The following UBE3D variants were observed in gnomAD, a reference collection of about 807,000 sequenced individuals.
UBE3D encodes E3 ubiquitin-protein ligase E3D.
UBE3D carries 48 observed loss-of-function variants against 49.6 expected under a neutral mutation model. The ratio of observed to expected loss-of-function variants is 0.97; its 90% CI spans 0.77 to 1.23. UBE3D has a LOEUF of 1.23. UBE3D is among the 50% of genes most tolerant of loss of function. The pLI is 0.00. For missense variants in UBE3D, 452 were observed against 468.4 expected, an observed-to-expected ratio of 0.96 and a Z score of 0.32; for synonymous variants, 189 against 174.2, an observed-to-expected ratio of 1.08 and a Z score of -0.67.
intron 8 of UBE3D, among the ~76,000 whole-genome samples, chr6:82,970,196 A>G (rs1777246007): frequency 5.3e-5 from 8 of 150,322 alleles, no homozygotes. Flanking sequence ...AGTTCAAAAA[A>G]CCACTCATCT....
At chr6:83,010,208 A>G (rs1780245614) in intron 8 of UBE3D, among the ~76,000 whole-genome samples, 1 of 152,172 alleles carries the variant, frequency 6.6e-6, no homozygotes, top group Non-Finnish European at 1.5e-5. Flanking sequence ...AATCACGAAT[A>G]ATCATTTTGA....
chr6:83,054,092 A>G, intron 3 of UBE3D, 56 bp downstream of exon 3: 2 of 1,453,404 alleles, frequency 1.4e-6, no homozygotes, highest in Non-Finnish European at 1.9e-6. Context: ...TTCTGATAGA[A>G]AAAGAGATAA....
At chr6:82,980,371 T>C (rs1320969408) in intron 8 of UBE3D, among the ~76,000 whole-genome samples, 1 of 152,014 alleles carries the variant, frequency 6.6e-6, no homozygotes, top group Non-Finnish European at 1.5e-5. Flanking sequence ...TTGTTGAACA[T>C]TGGTATGTCT....
intron 4 of UBE3D, among the ~76,000 whole-genome samples, chr6:83,039,012 C>T (rs76212149): frequency 3.6e-4 from 55 of 152,268 alleles, no homozygotes; most frequent in Non-Finnish European, 6.6e-4. Context: ...CACTTAGGAT[C>T]GGCACTGTAA....
chr6:83,063,788 T>C (rs1784327738), intron 1 of UBE3D, among the ~76,000 whole-genome samples: 1 of 152,196 alleles, frequency 6.6e-6, no homozygotes. Flanking sequence ...TGGTTGAACG[T>C]GCAAACTGGT....
At chr6:83,064,989 T>G (rs2127868385) in intron 1 of UBE3D, among the ~76,000 whole-genome samples, 1 of 152,354 alleles carries the variant, frequency 6.6e-6, no homozygotes, top group South Asian at 2.1e-4. Flanking sequence ...TCATTAAAAC[T>G]GCTGTCAAAC....
chr6:82,911,219 A>AAAAC (rs1554183181), intron 9 of UBE3D, among the ~76,000 whole-genome samples: 5 of 149,670 alleles, frequency 3.3e-5, no homozygotes, highest in African/African-American at 1.3e-4. Context: ...AAAAAAAAAA[A>AAAAC]AAAACTCAGG....
chr6:82,997,997 C>A (rs1779364100), intron 8 of UBE3D, among the ~76,000 whole-genome samples: 1 of 151,976 alleles, frequency 6.6e-6, no homozygotes, highest in South Asian at 2.1e-4. Flanking sequence ...TTTTTTCTGA[C>A]ATGGAGAGAA....
intron 8 of UBE3D, among the ~76,000 whole-genome samples, chr6:82,974,041 G>A (rs778789993): frequency 6.6e-6 from 1 of 152,140 alleles, no homozygotes; most frequent in Non-Finnish European, 1.5e-5. Flanking sequence ...CTACATTATG[G>A]TGAGTTGTAT....
At chr6:83,004,087 T>G (rs929403917) in intron 8 of UBE3D, among the ~76,000 whole-genome samples, 2 of 152,158 alleles carry the variant, frequency 1.3e-5, no homozygotes, top group African/African-American at 4.8e-5. Context: ...AAAACCACAT[T>G]TGTACCCATA....
At chr6:82,894,099 A>G (rs1771132589) in intron 9 of UBE3D, 1 of 152,218 alleles carries the variant, frequency 6.6e-6, no homozygotes, top group African/African-American at 2.4e-5. Context: ...AAATGTAAAC[A>G]TGGACAATTG....
intron 8 of UBE3D, among the ~76,000 whole-genome samples, chr6:82,961,693 T>C (rs1295611646): frequency 6.6e-6 from 1 of 152,190 alleles, no homozygotes; most frequent in African/African-American, 2.4e-5. Flanking sequence ...TTGCAAAATA[T>C]AGTTGAGTAT....
chr6:83,053,504 C>A (rs896079376), intron 3 of UBE3D, among the ~76,000 whole-genome samples: 1 of 152,004 alleles, frequency 6.6e-6, no homozygotes, highest in Non-Finnish European at 1.5e-5. Context: ...AACAAGAAGG[C>A]TGACATGAGG....
intron 8 of UBE3D, among the ~76,000 whole-genome samples, chr6:82,992,399 T>A (rs1778955531): frequency 6.6e-6 from 1 of 152,002 alleles, no homozygotes. Context: ...ATTTTTGTAA[T>A]TTTAGTAGAG....
At chr6:83,038,717 GATA>G (rs781269314) in intron 4 of UBE3D, among the ~76,000 whole-genome samples, 17 of 152,138 alleles carry the variant, frequency 1.1e-4, no homozygotes, top group Non-Finnish European at 2.4e-4. Context: ...GCCACTTCTT[GATA>G]GTCCAAAAGT....
chr6:83,000,075 A>G (rs556138768), intron 8 of UBE3D, among the ~76,000 whole-genome samples: 168 of 152,176 alleles, frequency 1.1e-3, no homozygotes, highest in African/African-American at 3.9e-3. Flanking sequence ...TCTCCTTTCC[A>G]GACTCACCCT....
At chr6:82,986,757 T>C (rs1778543571) in intron 8 of UBE3D, among the ~76,000 whole-genome samples, 1 of 148,406 alleles carries the variant, frequency 6.7e-6, no homozygotes, top group African/African-American at 2.4e-5. Context: ...TGTATACATG[T>C]ATTATACATA....
intron 5 of UBE3D, among the ~76,000 whole-genome samples, chr6:83,034,931 C>T (rs903139924): frequency 1.3e-5 from 2 of 152,004 alleles, no homozygotes; most frequent in Admixed American, 1.3e-4. Flanking sequence ...GCCTGTAATC[C>T]CAGCACTTGG....
Position 82,892,634 on chromosome 6 carries a change from A to G in UBE3D, c.*388T>C, listed in dbSNP as rs6454308. The G allele has an allele frequency of 0.31, 60,014 of 196,662 alleles. 11,048 individuals carry two copies. Among genetic ancestry groups the G allele is most frequent in the African/African-American group, 0.51 (21,886 of 42,560 alleles). 12.2% of individuals were successfully genotyped at this position (196,662 alleles called of 1,614,324 possible). A position where few individuals can be genotyped will look rare whatever the true frequency, so the allele number is the denominator to read the frequency against. On this transcript the variant is annotated 3_prime_UTR_variant, in exon 10 of 10. Transcript: ENST00000369747. The stretch of plus-strand genomic sequence containing the variant: ...AAGTTTATTTCCTAGGATTTACAGC[A>G]GTTAACATTCAGTTCCACCAATAAA...
Sources: gnomAD v4.1 joint callset for allele counts (sites outside exome capture counted in the v4.1 genomes callset) on GRCh38, gnomAD v4.1.1 for gene constraint, MANE v1.5 for transcripts, NCBI Gene and HGNC (gene_info 2026-07-23, HGNC 2026-07-21) for gene names.